The following FAF1 variants were observed in gnomAD, a reference collection of about 807,000 sequenced individuals.
The protein encoded by FAF1 is Fas associated factor 1, also known as FAS-associated factor 1.
Under a neutral mutation model 92.5 loss-of-function variants are expected in FAF1, and 25 were observed. The observed-to-expected ratio is 0.27, with a 90% confidence interval of 0.20 to 0.38. The LOEUF (loss-of-function observed/expected upper bound fraction) is 0.38, where lower values mean the gene tolerates loss of function less well. Among genes scored for constraint, FAF1 ranks in the 10% least tolerant of loss-of-function variants. The probability of loss-of-function intolerance (pLI) is 1.00; values close to 1 mark genes in which losing one functional copy is unlikely to be tolerated. For synonymous variants in FAF1, 234 were observed against 273.2 expected, an observed-to-expected ratio of 0.86 and a Z score of 1.42; for missense variants, 636 against 793.3, an observed-to-expected ratio of 0.80 and a Z score of 2.38.
At chr1:50,593,379 C>T (rs1038706600) in intron 9 of FAF1, among the ~76,000 whole-genome samples, 3 of 152,172 alleles carry the variant, frequency 2.0e-5, no homozygotes, top group Non-Finnish European at 4.4e-5. Flanking sequence ...TGTCACCTCT[C>T]AGATAGGACA....
At chr1:50,458,724 C>T (rs1337073709) in intron 18 of FAF1, among the ~76,000 whole-genome samples, 1 of 152,170 alleles carries the variant, frequency 6.6e-6, no homozygotes, top group East Asian at 1.9e-4. Flanking sequence ...CCTCTTTTTG[C>T]CATCAATTTC....
At chr1:50,817,901 T>A (rs556283403) in intron 2 of FAF1, among the ~76,000 whole-genome samples, 1 of 152,272 alleles carries the variant, frequency 6.6e-6, no homozygotes, top group South Asian at 2.1e-4. Context: ...CAAAATATTT[T>A]CAATAGTACA....
chr1:50,929,542 T>C (rs1645033040), intron 1 of FAF1, among the ~76,000 whole-genome samples: 1 of 152,246 alleles, frequency 6.6e-6, no homozygotes, highest in African/African-American at 2.4e-5. Context: ...AATAGATTCA[T>C]TGTAAGAGCT....
intron 15 of FAF1, among the ~76,000 whole-genome samples, chr1:50,501,079 T>G (rs1287580287): frequency 6.6e-6 from 1 of 152,142 alleles, no homozygotes; most frequent in Non-Finnish European, 1.5e-5. Flanking sequence ...AAGTTGGTAT[T>G]TATGAAAAAG....
intron 2 of FAF1, among the ~76,000 whole-genome samples, chr1:50,838,318 T>G (rs1370782882): frequency 6.6e-6 from 1 of 151,768 alleles, no homozygotes; most frequent in Non-Finnish European, 1.5e-5. Flanking sequence ...ACAAAAAATT[T>G]TATCCTATGA....
intron 4 of FAF1, among the ~76,000 whole-genome samples, chr1:50,772,983 C>G (rs1352347778): frequency 6.6e-6 from 1 of 152,146 alleles, no homozygotes; most frequent in Non-Finnish European, 1.5e-5. Context: ...GCAAAGACTA[C>G]AAGACAATGC....
intron 4 of FAF1, among the ~76,000 whole-genome samples, chr1:50,765,535 A>G (rs1008266243): frequency 2.0e-5 from 3 of 152,186 alleles, no homozygotes; most frequent in African/African-American, 7.2e-5. Flanking sequence ...GAGAAAAAAA[A>G]TGTAGTGAAA....
At chr1:50,607,882 T>C (rs1363578483) in intron 8 of FAF1, among the ~76,000 whole-genome samples, 8 of 152,218 alleles carry the variant, frequency 5.3e-5, no homozygotes, top group Non-Finnish European at 8.8e-5. Context: ...GATGTCACAG[T>C]GATGCAGGGC....
At chr1:50,579,342 C>T (rs150940229) in intron 12 of FAF1, among the ~76,000 whole-genome samples, 2 of 152,182 alleles carry the variant, frequency 1.3e-5, no homozygotes, top group Admixed American at 1.3e-4. Flanking sequence ...TTAAAAATAT[C>T]TATACCTATT....
At chr1:50,534,312 A>G (rs552004124) in intron 15 of FAF1, among the ~76,000 whole-genome samples, 2 of 151,954 alleles carry the variant, frequency 1.3e-5, no homozygotes, top group South Asian at 2.1e-4. Flanking sequence ...ACATATTCTC[A>G]CTCTGTCACC....
At chr1:50,797,925 T>C (rs570933341) in intron 3 of FAF1, among the ~76,000 whole-genome samples, 6 of 152,296 alleles carry the variant, frequency 3.9e-5, no homozygotes, top group Non-Finnish European at 8.8e-5. Flanking sequence ...AAATAAGTGT[T>C]TTTATCCTTA....
chr1:50,490,194 T>C (rs530173873), intron 17 of FAF1, among the ~76,000 whole-genome samples: 23 of 152,150 alleles, frequency 1.5e-4, no homozygotes, highest in African/African-American at 5.5e-4. Context: ...ACCCTGTCTC[T>C]ACTAAAAATA....
At chr1:50,934,108 T>C (rs1645068542) in intron 1 of FAF1, among the ~76,000 whole-genome samples, 1 of 152,228 alleles carries the variant, frequency 6.6e-6, no homozygotes. Context: ...ACTATATTTC[T>C]CCTATTTATT....
chr1:50,752,474 A>C (rs1659906633), intron 4 of FAF1, among the ~76,000 whole-genome samples: 1 of 152,120 alleles, frequency 6.6e-6, no homozygotes, highest in African/African-American at 2.4e-5. Context: ...CGCTTCTTTC[A>C]TTCCCAATAT....
intron 15 of FAF1, among the ~76,000 whole-genome samples, chr1:50,529,272 TAAGC>T (rs1648008727): frequency 6.6e-6 from 1 of 152,194 alleles, no homozygotes; most frequent in Admixed American, 6.6e-5. Flanking sequence ...ATAATTGACT[TAAGC>T]AAGGAAAAAT....
intron 18 of FAF1, among the ~76,000 whole-genome samples, chr1:50,441,823 C>T (rs1572743288): frequency 1.3e-5 from 2 of 151,966 alleles, no homozygotes. Flanking sequence ...TGCTGGTTAA[C>T]AACTGACTGG....
intron 1 of FAF1, among the ~76,000 whole-genome samples, chr1:50,928,490 A>T (rs549869562): frequency 1.6e-4 from 24 of 152,240 alleles, no homozygotes; most frequent in South Asian, 1.5e-3. Flanking sequence ...GTATTTAAAA[A>T]CTGAGGAAGG....
chr1:50,496,797 G>A (rs1204574536), intron 15 of FAF1, among the ~76,000 whole-genome samples: 2 of 151,964 alleles, frequency 1.3e-5, no homozygotes, highest in Non-Finnish European at 2.9e-5. Flanking sequence ...GCTGAGGCAG[G>A]ATAATTGCTT....
intron 6 of FAF1, among the ~76,000 whole-genome samples, chr1:50,714,378 T>C (rs1370984028): frequency 6.7e-6 from 1 of 148,924 alleles, no homozygotes; most frequent in Non-Finnish European, 1.5e-5. Flanking sequence ...CTAGGTGTGG[T>C]GGCGGCCGCC....
Sources: gnomAD v4.1 joint callset for allele counts (sites outside exome capture counted in the v4.1 genomes callset) on GRCh38, gnomAD v4.1.1 for gene constraint, MANE v1.5 for transcripts, NCBI Gene and HGNC (gene_info 2026-07-23, HGNC 2026-07-21) for gene names.